ANGPT2: variants seen among roughly 807,000 people sequenced by gnomAD.
ANGPT2 encodes angiopoietin-2.
Under a neutral mutation model 62.9 loss-of-function variants are expected in ANGPT2, and 28 were observed. The observed-to-expected ratio is 0.44, with a 90% CI of 0.33 to 0.61. ANGPT2 has a LOEUF of 0.61. Ranked by LOEUF, ANGPT2 falls within the 20% of genes least tolerant of loss-of-function variation. The probability of loss-of-function intolerance (pLI) is 0.03; values close to 1 mark genes in which losing one functional copy is unlikely to be tolerated. For synonymous variants in ANGPT2, 284 were observed against 207.8 expected (o/e 1.37, Z -3.15); for missense variants, 727 against 594.9 (o/e 1.22, Z -2.31).
chr8:6,516,441 TG>T (rs1563328546), intron 5 of ANGPT2, among the ~76,000 whole-genome samples: 2 of 152,222 alleles, frequency 1.3e-5, no homozygotes, highest in Admixed American at 1.3e-4. Flanking sequence ...ATTCCTGTTA[TG>T]TTTTTTTTCC....
rs1811846312 is a variant in ANGPT2 at position 6,500,043 on chromosome 8, A to C, written c.*3058T>G. 1.2e-6 allele frequency: 1 copy of C among 856,614 alleles called. No individual in the cohort carries two copies. The highest frequency in any genetic ancestry group is 2.0e-6 in the Non-Finnish European group (1 of 505,706). 53.1% of individuals were successfully genotyped at this position (856,614 alleles called of 1,614,324 possible). ...CCAGTCAAGCACAATTATGCCCATA[A>C]TTAAAAAGACATTCACAGAACTTAA... is the stretch of plus-strand genomic sequence containing the variant. On this transcript the variant is annotated 3_prime_UTR_variant, in exon 9 of 9. Coordinates refer to ENST00000629816, the MANE Select transcript of ANGPT2 (RefSeq NM_001118887.2).
In ANGPT2 at chr8:6,509,175, A is replaced by G. The variant is rs1019600771; in HGVS notation, c.1197-113T>C. The G allele has an allele frequency of 4.5e-5, 60 of 1,325,594 alleles. No homozygotes were observed. In the African/African-American group the frequency reaches 8.3e-4, roughly 18 times the overall value. 82.1% of individuals were successfully genotyped at this position (1,325,594 alleles called of 1,614,324 possible). A position where few individuals can be genotyped will look rare whatever the true frequency, so the allele number is the denominator to read the frequency against. On this transcript the variant is annotated intron_variant, in intron 7 of 8. Transcript: ENST00000629816. ...TACAGAAGCGTGTTCTGTACTCGTT[A>G]ATGGACTAATGCATACTCTGGACAA...
chr8:6,560,992 C>G (rs527649228), intron 1 of ANGPT2, among the ~76,000 whole-genome samples: 24 of 152,360 alleles, frequency 1.6e-4, no homozygotes, highest in Non-Finnish European at 1.2e-4. Flanking sequence ...TCATGCCTCG[C>G]TGTGACTCTG....
At chr8:6,528,639 G>A (rs1190254269) in intron 2 of ANGPT2, among the ~76,000 whole-genome samples, 6 of 152,242 alleles carry the variant, frequency 3.9e-5, no homozygotes, top group African/African-American at 9.6e-5. Context: ...CGGCTCTCCC[G>A]CGGATTCTCT....
chr8:6,511,253 C>G (rs1815027010), intron 7 of ANGPT2, among the ~76,000 whole-genome samples: 2 of 151,516 alleles, frequency 1.3e-5, no homozygotes, highest in South Asian at 4.2e-4. Context: ...TAAGAATGGC[C>G]ACGTTCTTGA....
At chr8:6,559,506 A>G (rs1825182758) in intron 1 of ANGPT2, among the ~76,000 whole-genome samples, 1 of 152,112 alleles carries the variant, frequency 6.6e-6, no homozygotes, top group Admixed American at 6.5e-5. Flanking sequence ...TGTTTAAAAA[A>G]CAAACAAACA....
chr8:6,548,714 C>T (rs1823054239), intron 1 of ANGPT2, among the ~76,000 whole-genome samples: 1 of 152,168 alleles, frequency 6.6e-6, no homozygotes, highest in Admixed American at 6.5e-5. Flanking sequence ...AGCAAGCTCC[C>T]ATTGGCAAAA....
intron 1 of ANGPT2, among the ~76,000 whole-genome samples, chr8:6,542,314 CTG>C (rs373716411): frequency 6.6e-6 from 1 of 150,652 alleles, no homozygotes; most frequent in Non-Finnish European, 1.5e-5. Context: ...GTGTGTGTAT[CTG>C]TGTGTGTGTG....
At position 6,501,051 on chromosome 8, in the gene ANGPT2, A is replaced by G. The variant is rs960012871; in HGVS notation, c.*2050T>C. ...TTGTTTTTCAACTTGATACAAGGCC[A>G]TGATACCGTTGTTGAATTCATAAAA... On this transcript the variant is annotated 3_prime_UTR_variant, in exon 9 of 9. Coordinates refer to ENST00000629816, the MANE Select transcript of ANGPT2 (RefSeq NM_001118887.2). 1 of 152,244 alleles carries G rather than the reference A, an allele frequency of 6.6e-6. No homozygotes were observed. The highest frequency in any genetic ancestry group is 1.5e-5 in the Non-Finnish European group (1 of 68,048). 9.4% of individuals were successfully genotyped at this position (152,244 alleles called of 1,614,324 possible). A position where few individuals can be genotyped will look rare whatever the true frequency, so the allele number is the denominator to read the frequency against.
chr8:6,511,165 C>G (rs1815007120), intron 7 of ANGPT2, among the ~76,000 whole-genome samples: 1 of 152,150 alleles, frequency 6.6e-6, no homozygotes, highest in African/African-American at 2.4e-5. Context: ...TTATGAGTCT[C>G]TGTTAGAAAG....
At chr8:6,525,424 C>A (rs967525090) in intron 3 of ANGPT2, among the ~76,000 whole-genome samples, 4 of 128,788 alleles carry the variant, frequency 3.1e-5, no homozygotes, top group African/African-American at 9.8e-5. Flanking sequence ...AAAATGAGTT[C>A]TCATTATATT....
intron 2 of ANGPT2, among the ~76,000 whole-genome samples, chr8:6,528,195 G>A (rs1415355839): frequency 6.6e-6 from 1 of 152,146 alleles, no homozygotes; most frequent in African/African-American, 2.4e-5. Context: ...ACTGCACCCG[G>A]CCGTTATGTC....
chr8:6,551,218 G>A (rs1038304651), intron 1 of ANGPT2, among the ~76,000 whole-genome samples: 8 of 149,484 alleles, frequency 5.4e-5, no homozygotes, highest in African/African-American at 2.0e-4. Flanking sequence ...TGAGAGGGCT[G>A]CTTATTCGTG....
intron 8 of ANGPT2, among the ~76,000 whole-genome samples, chr8:6,507,358 G>C (rs1228005123): frequency 6.6e-6 from 1 of 152,104 alleles, no homozygotes; most frequent in Non-Finnish European, 1.5e-5. Context: ...ATGTTCTCTA[G>C]AAATTAAACC....
Position 6,499,954 on chromosome 8 carries a change from G to A in ANGPT2, c.*3147C>T, listed in dbSNP as rs1811831264. On this transcript the variant is annotated 3_prime_UTR_variant, in exon 9 of 9. Coordinates refer to ENST00000629816, the MANE Select transcript of ANGPT2 (RefSeq NM_001118887.2). ...CGTAAGTCAGATGTTGTTTTACGAT[G>A]GTAAATGCAGTTTGCTGTTCTCAAG... 11 of 1,588,916 alleles carry A rather than the reference G, an allele frequency of 6.9e-6. No individual in the cohort carries two copies. Among genetic ancestry groups the A allele is most frequent in the Non-Finnish European group, 8.6e-6 (10 of 1,157,612 alleles).
chr8:6,499,873 G>T lies in ANGPT2; in HGVS notation c.*3228C>A, dbSNP rs1563292953. ...GCAGGTGCTATGGTCTTTAGAATTG[G>T]GTCACTGGATTTCTGAGGAGCCGTT... On this transcript the variant is annotated 3_prime_UTR_variant, in exon 9 of 9. Coordinates refer to ENST00000629816, the MANE Select transcript of ANGPT2 (RefSeq NM_001118887.2). The T allele has an allele frequency of 1.9e-6, 3 of 1,613,306 alleles. No individual in the cohort carries two copies. The highest frequency in any genetic ancestry group is 1.7e-5 in the Admixed American group (1 of 60,002).
chr8:6,518,040 A>G (rs1391715560), intron 5 of ANGPT2, among the ~76,000 whole-genome samples: 5 of 151,994 alleles, frequency 3.3e-5, no homozygotes, highest in African/African-American at 9.7e-5. Context: ...CCAGAGTACT[A>G]TATATTTTCA....
Position 6,499,764 on chromosome 8 carries a change from T to G in ANGPT2, c.*3337A>C. The G allele has an allele frequency of 8.6e-7, 1 of 1,169,120 alleles. No homozygotes were observed. 72.4% of individuals were successfully genotyped at this position (1,169,120 alleles called of 1,614,324 possible). ...TTTCAGATCTGCGGAGTGTATCACT[T>G]TTTGCTGTGTCTTCAAAGTGATTCT... On this transcript the variant is annotated 3_prime_UTR_variant, in exon 9 of 9. Transcript: ENST00000629816.
chr8:6,559,543 C>CATTAA (rs370177990), intron 1 of ANGPT2, among the ~76,000 whole-genome samples: 2 of 142,914 alleles, frequency 1.4e-5, no homozygotes, highest in Non-Finnish European at 3.1e-5. Context: ...GAAATGTTTG[C>CATTAA]CTCCGTAGTA....
Sources: gnomAD v4.1 joint callset for allele counts (sites outside exome capture counted in the v4.1 genomes callset) on GRCh38, gnomAD v4.1.1 for gene constraint, MANE v1.5 for transcripts, NCBI Gene and HGNC (gene_info 2026-07-23, HGNC 2026-07-21) for gene names.